The following SCOC variants were observed in gnomAD, a reference collection of about 807,000 sequenced individuals.
SCOC encodes short coiled-coil protein, also known as short coiled coil protein.
SCOC carries 7 observed loss-of-function variants against 9.9 expected under a neutral mutation model. The ratio of observed to expected loss-of-function variants is 0.71; its 90% CI spans 0.40 to 1.33. The LOEUF is 1.33. SCOC is among the 40% of genes most tolerant of loss of function. The pLI is 0.01. For missense variants in SCOC, 66 were observed against 89.7 expected, an observed-to-expected ratio of 0.74 and a Z score of 1.07; for synonymous variants, 19 against 28.2, an observed-to-expected ratio of 0.67 and a Z score of 1.03.
intron 2 of SCOC, among the ~76,000 whole-genome samples, chr4:140,364,931 A>G (rs1272304223): frequency 6.6e-6 from 1 of 152,144 alleles, no homozygotes; most frequent in East Asian, 1.9e-4. Flanking sequence ...CTTATTACAC[A>G]GGGTACTCAA....
At chr4:140,306,056 T>A (rs1485731842) in intron 1 of SCOC, among the ~76,000 whole-genome samples, 1 of 152,250 alleles carries the variant, frequency 6.6e-6, no homozygotes, top group Admixed American at 6.5e-5. Context: ...GTACTCATGC[T>A]ACTAATAAAG....
At chr4:140,302,921 T>C (rs1271020928) in intron 1 of SCOC, among the ~76,000 whole-genome samples, 9 of 151,072 alleles carry the variant, frequency 6.0e-5, no homozygotes, top group Non-Finnish European at 1.3e-4. Context: ...AAAAAGTAAA[T>C]GAAATGCTCA....
chr4:140,303,510 T>C (rs182018347), intron 1 of SCOC, among the ~76,000 whole-genome samples: 1 of 152,304 alleles, frequency 6.6e-6, no homozygotes, highest in East Asian at 1.9e-4. Flanking sequence ...TCAGTGCCCA[T>C]GGCTAGGATC....
At chr4:140,257,591 C>G (rs138484780) in intron 1 of SCOC, among the ~76,000 whole-genome samples, 2,190 of 152,270 alleles carry the variant, frequency 0.014, 29 homozygotes, top group Non-Finnish European at 0.026. Context: ...AGCTCTCTCA[C>G]GGCGGTGAGG....
exon 2 of SCOC, chr4:140,343,637 A>G: frequency 6.2e-7 from 1 of 1,613,148 alleles, no homozygotes; most frequent in African/African-American, 1.3e-5. Flanking sequence ...AAATTGAACA[A>G]GATGGACGGG....
rs138319753 is a variant in SCOC at position 140,291,877 on chromosome 4, T to C, written c.-19+34467T>C. The stretch of plus-strand genomic sequence containing the variant: ...AATTTCCTTTCCCCAGTGTATGTAG[T>C]TTATTTAAGAAAGGACTAGAGAACT... On this transcript the variant is annotated intron_variant, in intron 1 of 4. Transcript: ENST00000394205. Among the ~76,000 whole-genome samples, 4 of 152,328 alleles carry C rather than the reference T, an allele frequency of 2.6e-5. No individual in the cohort carries two copies. The East Asian group carries it at 7.7e-4, about 29-fold the overall frequency.
At chr4:140,288,985 CAT>C (rs1350468778) in intron 1 of SCOC, among the ~76,000 whole-genome samples, 6 of 152,220 alleles carry the variant, frequency 3.9e-5, no homozygotes, top group Admixed American at 6.5e-5. Flanking sequence ...AATGCACACA[CAT>C]GCAGAAATCT....
chr4:140,362,980 T>C (rs1211018748), intron 2 of SCOC, among the ~76,000 whole-genome samples: 1 of 152,200 alleles, frequency 6.6e-6, no homozygotes, highest in Non-Finnish European at 1.5e-5. Flanking sequence ...TACTCAGGTA[T>C]GTTTTCAGAG....
At chr4:140,333,008 A>T (rs1429409039) in intron 1 of SCOC, among the ~76,000 whole-genome samples, 1 of 152,160 alleles carries the variant, frequency 6.6e-6, no homozygotes, top group Non-Finnish European at 1.5e-5. Context: ...AGGGCCTGTG[A>T]GGCTCTACAT....
chr4:140,332,943 C>G (rs1382370603), intron 1 of SCOC, among the ~76,000 whole-genome samples: 1 of 152,122 alleles, frequency 6.6e-6, no homozygotes, highest in Admixed American at 6.5e-5. Context: ...TAACCAGAAG[C>G]CTCTCCTCTG....
Position 140,359,339 on chromosome 4 carries a change from G to A in SCOC, c.70+15631G>A, listed in dbSNP as rs971530407. ...CTGTCATTTTGAGCACCTACATATG[G>A]TCTCTTCAGTATAGTGGTTTGGGGG... On this transcript the variant is annotated intron_variant, in intron 2 of 4. Transcript: ENST00000338517. Among the ~76,000 whole-genome samples the A allele has an allele frequency of 2.6e-5, 4 of 152,096 alleles. No homozygotes were observed. The South Asian group carries it at 8.3e-4, about 32-fold the overall frequency.
At chr4:140,293,918 A>C (rs1035238524) in intron 1 of SCOC, among the ~76,000 whole-genome samples, 3 of 152,216 alleles carry the variant, frequency 2.0e-5, no homozygotes, top group Non-Finnish European at 4.4e-5. Context: ...TCCAGGCAGC[A>C]AAAGCTTAGG....
At position 140,309,200 on chromosome 4, in the gene SCOC, C is replaced by G. The variant is rs370453444; in HGVS notation, c.-18-34421C>G. Among the ~76,000 whole-genome samples the G allele has an allele frequency of 3.3e-5, 5 of 152,346 alleles. No homozygotes were observed. In the South Asian group the frequency reaches 6.2e-4, roughly 19 times the overall value. ...CTGAGGCCAAGTAGGTGAAGAGTCACGCAGCACCAGTGCTGATCCTGAAGT... is the reference window on the plus strand; with the variant it reads ...CTGAGGCCAAGTAGGTGAAGAGTCAGGCAGCACCAGTGCTGATCCTGAAGT... On this transcript the variant is annotated intron_variant, in intron 1 of 4. Transcript: ENST00000394205.
rs144088074 is a variant in SCOC at position 140,327,932 on chromosome 4, C to A, written c.-18-15689C>A. ...GCTGCTTGTTGGGCAGCTCAAAGGA[C>A]AAGATATTCAAAGATCTCCCTGCCA... is the stretch of plus-strand genomic sequence containing the variant. On this transcript the variant is annotated intron_variant, in intron 1 of 4. Coordinates refer to the SCOC transcript ENST00000394205. Among the ~76,000 whole-genome samples, 10 of 152,072 alleles carry A rather than the reference C, an allele frequency of 6.6e-5. No homozygotes were observed. The East Asian group carries it at 1.9e-3, about 29-fold the overall frequency.
At chr4:140,335,362 G>C (rs993115522) in intron 1 of SCOC, among the ~76,000 whole-genome samples, 1 of 152,034 alleles carries the variant, frequency 6.6e-6, no homozygotes, top group Non-Finnish European at 1.5e-5. Flanking sequence ...AGATGATAGA[G>C]GTAAAACACT....
intron 1 of SCOC, among the ~76,000 whole-genome samples, chr4:140,317,507 C>T (rs937980857): frequency 1.3e-5 from 2 of 152,094 alleles, no homozygotes; most frequent in South Asian, 2.1e-4. Flanking sequence ...GATCACGACC[C>T]TCTCTTGCGG....
At chr4:140,299,129 T>A (rs191055972) in intron 1 of SCOC, among the ~76,000 whole-genome samples, 63 of 152,296 alleles carry the variant, frequency 4.1e-4, no homozygotes, top group African/African-American at 1.3e-3. Context: ...TTTAAAAAAA[T>A]TTTTATTTTT....
chr4:140,376,254 CAAAT>C (rs778161831), intron 1 of SCOC, among the ~76,000 whole-genome samples: 10 of 152,136 alleles, frequency 6.6e-5, no homozygotes, highest in Non-Finnish European at 1.0e-4. Context: ...ATATGTCAAA[CAAAT>C]CAGTTTATTG....
In SCOC at chr4:140,373,704, G is replaced by A. The variant is rs183379470; in HGVS notation, c.-64G>A. The A allele has an allele frequency of 1.1e-3, 1,719 of 1,548,362 alleles. 12 individuals carry two copies. The African/African-American group carries it at 0.015, about 14-fold the overall frequency. On this transcript the variant is annotated 5_prime_UTR_variant, in exon 1 of 4. Coordinates refer to ENST00000608372, the MANE Select transcript of SCOC (RefSeq NM_001153484.2). ...CGGCCGGATCCCTCCTTCTCCCGGC[G>A]CCTCAAGCGGAAGGTGAGGGCCGTC...
Sources: allele counts gnomAD v4.1 joint callset (sites outside exome capture counted in the v4.1 genomes callset), GRCh38; gene constraint gnomAD v4.1.1; transcripts MANE v1.5; gene names NCBI Gene and HGNC (gene_info 2026-07-23, HGNC 2026-07-21).